LINGO2: variants seen among roughly 807,000 people sequenced by gnomAD.
The protein encoded by LINGO2 is leucine-rich repeat and immunoglobulin-like domain-containing nogo receptor-interacting protein 2.
A neutral mutation model predicts 30.6 loss-of-function variants in LINGO2; 14 were observed. The observed-to-expected ratio is 0.46, with a 90% CI of 0.30 to 0.72. The LOEUF is 0.72. Among genes scored for constraint, LINGO2 ranks in the 30% least tolerant of loss-of-function variants. LINGO2 has a pLI of 0.07. For synonymous variants in LINGO2, 317 were observed against 288.5 expected, an observed-to-expected ratio of 1.10 and a Z score of -1.00; for missense variants, 729 against 751.7, an observed-to-expected ratio of 0.97 and a Z score of 0.35.
chr9:29,066,906 T>G, the LINGO2 span, among the ~76,000 whole-genome samples: 1 of 151,866 alleles, frequency 6.6e-6, no homozygotes. Context: ...TCTTACCTTC[T>G]AAGTTAACCA....
chr9:29,149,729 A>T, the LINGO2 span, among the ~76,000 whole-genome samples: 1 of 152,136 alleles, frequency 6.6e-6, no homozygotes, highest in Non-Finnish European at 1.5e-5. Context: ...AGACCTCTCC[A>T]GTGTACGTGG....
the LINGO2 span, among the ~76,000 whole-genome samples, chr9:28,736,777 C>T: frequency 0.22 from 32,875 of 151,870 alleles, 3,844 homozygotes; most frequent in Admixed American, 0.34. Flanking sequence ...GCAACAAGAG[C>T]GAAACTCTAT....
At position 28,632,854 on chromosome 9, in the gene LINGO2, T is replaced by TATATATATATATATA. The variant is rs1563878982; in HGVS notation, c.-365+37345_-365+37346insTATATATATATATAT. ...TTATATATATAAATCTATATATATT[T>TATATATATATATATA]TTTATATATATATATATATATATAT... On this transcript the variant is annotated intron_variant, in intron 1 of 5. Transcript: ENST00000379992. Among the ~76,000 whole-genome samples the TATATATATATATATA allele has an allele frequency of 7.2e-4, 60 of 83,038 alleles. 2 individuals are homozygous for TATATATATATATATA. The highest frequency in any genetic ancestry group is 4.6e-3 in the African/African-American group (60 of 13,102). 54.5% of individuals were successfully genotyped at this position (83,038 alleles called of 152,430 possible).
At chr9:28,196,461 C>A (rs1026899850) in intron 4 of LINGO2, among the ~76,000 whole-genome samples, 3 of 151,346 alleles carry the variant, frequency 2.0e-5, no homozygotes, top group Non-Finnish European at 4.4e-5. Flanking sequence ...CAAGCAGTAC[C>A]CATTAACAAG....
chr9:28,805,104 C>T, the LINGO2 span, among the ~76,000 whole-genome samples: 3 of 152,234 alleles, frequency 2.0e-5, no homozygotes, highest in East Asian at 1.9e-4. Flanking sequence ...ATTCCTTTAG[C>T]TCTCGAGCAA....
chr9:28,808,658 T>C, the LINGO2 span, among the ~76,000 whole-genome samples: 1 of 152,216 alleles, frequency 6.6e-6, no homozygotes, highest in Non-Finnish European at 1.5e-5. Flanking sequence ...AGTAATTTCA[T>C]GGTAGAACAA....
chr9:29,020,038 CAT>C, the LINGO2 span, among the ~76,000 whole-genome samples: 1 of 152,110 alleles, frequency 6.6e-6, no homozygotes, highest in Non-Finnish European at 1.5e-5. Flanking sequence ...TGGCTGAAGG[CAT>C]ATGTTTAGCA....
the LINGO2 span, among the ~76,000 whole-genome samples, chr9:28,879,298 T>C: frequency 6.6e-6 from 1 of 152,250 alleles, no homozygotes; most frequent in Non-Finnish European, 1.5e-5. Flanking sequence ...TAAAATGACA[T>C]GTCCAAAGGC....
In LINGO2 at chr9:28,645,873, G is replaced by A. The variant is rs571751043; in HGVS notation, c.-365+24327C>T. Among the ~76,000 whole-genome samples, 14 of 152,220 alleles carry A rather than the reference G, an allele frequency of 9.2e-5. No homozygotes were observed. In the South Asian group the frequency reaches 1.5e-3, roughly 16 times the overall value. On this transcript the variant is annotated intron_variant, in intron 1 of 5. Transcript: ENST00000379992. ...TAGGCAACTGTCTTGAAGGCAGTGC[G>A]CAGATTGATTAGAGTACCGTGCTTT... is the stretch of plus-strand genomic sequence containing the variant.
chr9:27,950,872 G>T (rs1819272718), intron 5 of LINGO2, among the ~76,000 whole-genome samples, 166 bp from the exon 7 acceptor site: 1 of 152,092 alleles, frequency 6.6e-6, no homozygotes, highest in South Asian at 2.1e-4. Flanking sequence ...ACAGGTTCTT[G>T]GTCAAGTTAT....
the LINGO2 span, among the ~76,000 whole-genome samples, chr9:28,976,452 A>G: frequency 6.6e-6 from 1 of 152,162 alleles, no homozygotes; most frequent in Non-Finnish European, 1.5e-5. Flanking sequence ...ATTGATAGAG[A>G]TAAGCATATA....
rs1414435067 is a variant in LINGO2 at position 28,171,896 on chromosome 9, C to T, written c.-87+123312G>A. Among the ~76,000 whole-genome samples the T allele has an allele frequency of 2.0e-5, 3 of 150,550 alleles. No homozygotes were observed. In the Admixed American group the frequency reaches 2.0e-4, roughly 10 times the overall value. On this transcript the variant is annotated intron_variant, in intron 4 of 5. Transcript: ENST00000379992. ...ATTTAGCCAGGCGTGGTGGCGGGCC[C>T]CTGTAGTTCCAGCTACTTGGGAGGC...
chr9:27,976,032 G>A (rs1303109674), intron 5 of LINGO2, among the ~76,000 whole-genome samples: 3 of 152,070 alleles, frequency 2.0e-5, no homozygotes, highest in Non-Finnish European at 4.4e-5. Flanking sequence ...AATCAGGCTG[G>A]TCCTAGCACT....
chr9:29,064,746 G>T, the LINGO2 span, among the ~76,000 whole-genome samples: 1 of 151,988 alleles, frequency 6.6e-6, no homozygotes, highest in Non-Finnish European at 1.5e-5. Flanking sequence ...TGATAAAAAT[G>T]ATTATATCAA....
chr9:28,429,074 G>C (rs1459261957), intron 2 of LINGO2, among the ~76,000 whole-genome samples: 3 of 152,104 alleles, frequency 2.0e-5, no homozygotes, highest in African/African-American at 7.2e-5. Flanking sequence ...TATCATAGCA[G>C]TGAAAAATAG....
chr9:28,001,282 T>A (rs1355143171), intron 5 of LINGO2, among the ~76,000 whole-genome samples: 1 of 152,154 alleles, frequency 6.6e-6, no homozygotes, highest in Non-Finnish European at 1.5e-5. Flanking sequence ...ACAGAAGCCC[T>A]CAGGGCACTT....
chr9:28,134,366 T>C (rs1478951044), intron 4 of LINGO2, among the ~76,000 whole-genome samples: 1 of 152,184 alleles, frequency 6.6e-6, no homozygotes, highest in Non-Finnish European at 1.5e-5. Context: ...TAGAAACCAT[T>C]AAGCATCAGG....
the LINGO2 span, among the ~76,000 whole-genome samples, chr9:28,905,825 T>C: frequency 6.6e-6 from 1 of 152,018 alleles, no homozygotes; most frequent in African/African-American, 2.4e-5. Context: ...CCAAAGCATA[T>C]GAAATCAGTA....
intron 4 of LINGO2, among the ~76,000 whole-genome samples, chr9:28,034,741 CTACT>C (rs1823849317): frequency 6.6e-6 from 1 of 152,122 alleles, no homozygotes; most frequent in Non-Finnish European, 1.5e-5. Flanking sequence ...ATTAAAATTG[CTACT>C]TATTTTTATA....
Sources: allele counts gnomAD v4.1 joint callset (sites outside exome capture counted in the v4.1 genomes callset), GRCh38; gene constraint gnomAD v4.1.1; transcripts MANE v1.5; gene names NCBI Gene and HGNC (gene_info 2026-07-23, HGNC 2026-07-21).